MCTP1: variants seen among roughly 807,000 people sequenced by gnomAD.
MCTP1 encodes the protein multiple C2 and transmembrane domain containing 1.
Under a neutral mutation model 120.6 loss-of-function variants are expected in MCTP1, and 69 were observed. The observed-to-expected ratio is 0.57, with a 90% CI of 0.47 to 0.70. The LOEUF (loss-of-function observed/expected upper bound fraction) is 0.70. MCTP1 is among the 30% of genes least tolerant of loss of function. The pLI is 0.00. For missense variants in MCTP1, 1,203 were observed against 1,248.8 expected (o/e 0.96, Z 0.55); for synonymous variants, 529 against 493.1 (o/e 1.07, Z -0.96).
intron 18 of MCTP1, among the ~76,000 whole-genome samples, chr5:94,786,594 C>T (rs1486001663): frequency 1.3e-5 from 2 of 152,128 alleles, no homozygotes; most frequent in Non-Finnish European, 2.9e-5. Flanking sequence ...CATGAGCTTC[C>T]CACAATATAA....
At position 94,888,863 on chromosome 5, in the gene MCTP1, T is replaced by G. The variant is rs182813367; in HGVS notation, c.1933+16A>C. ...CTGCTTGATCTGAGCAATAGGAGAA[T>G]TGCATCATCTCTTACCAGTGACGTC... On this transcript the variant is annotated intron_variant, in intron 12 of 22. Transcript: ENST00000515393. 6.5e-5 allele frequency: 100 copies of G among 1,549,548 alleles called. No homozygotes were observed. The African/African-American group carries it at 1.3e-3, about 20-fold the overall frequency.
intron 1 of MCTP1, among the ~76,000 whole-genome samples, chr5:95,098,586 G>T (rs1157177688): frequency 6.6e-6 from 1 of 151,666 alleles, no homozygotes; most frequent in Non-Finnish European, 1.5e-5. Context: ...ACCTCTTCAA[G>T]GAGAACTACA....
chr5:95,004,645 CAGAG>C (rs1363328614), intron 2 of MCTP1, among the ~76,000 whole-genome samples: 2 of 152,206 alleles, frequency 1.3e-5, no homozygotes, highest in African/African-American at 4.8e-5. Flanking sequence ...GCTGCTGCTA[CAGAG>C]AGTTCAAGCC....
chr5:95,264,559 A>G (rs532750562), intron 1 of MCTP1, among the ~76,000 whole-genome samples: 1 of 152,280 alleles, frequency 6.6e-6, no homozygotes, highest in African/African-American at 2.4e-5. Context: ...GGCACTGGAA[A>G]TATCTGCCTG....
At chr5:94,908,434 T>C (rs1415533468) in intron 10 of MCTP1, among the ~76,000 whole-genome samples, 3 of 152,064 alleles carry the variant, frequency 2.0e-5, no homozygotes, top group Non-Finnish European at 2.9e-5. Context: ...TGGAGTATAA[T>C]TTATTTTACT....
intron 2 of MCTP1, among the ~76,000 whole-genome samples, chr5:94,988,597 G>GTTTTTTTTTT (rs752489135): frequency 8.5e-6 from 1 of 117,480 alleles, no homozygotes; most frequent in African/African-American, 3.4e-5. Flanking sequence ...CCCTGTGTGT[G>GTTTTTTTTTT]TTTTTTTTTT....
chr5:94,791,090 C>G (rs182703550), intron 18 of MCTP1, among the ~76,000 whole-genome samples: 3 of 124,514 alleles, frequency 2.4e-5, no homozygotes, highest in African/African-American at 9.2e-5. Context: ...CTAGCCAATA[C>G]GGCGAAATCC....
At chr5:94,731,043 A>G (rs935426064) in intron 19 of MCTP1, among the ~76,000 whole-genome samples, 3 of 152,190 alleles carry the variant, frequency 2.0e-5, no homozygotes, top group Non-Finnish European at 4.4e-5. Flanking sequence ...GAATTGGGAA[A>G]TACTGCCACT....
chr5:94,845,483 GC>G (rs1272430400), intron 17 of MCTP1, among the ~76,000 whole-genome samples: 2 of 152,094 alleles, frequency 1.3e-5, no homozygotes, highest in Admixed American at 1.3e-4. Context: ...TGGGGACACA[GC>G]AAAACCATAT....
intron 1 of MCTP1, among the ~76,000 whole-genome samples, chr5:95,085,991 TCA>T (rs201532196): frequency 0.02 from 3,103 of 152,264 alleles, 37 homozygotes; most frequent in Non-Finnish European, 0.03. Context: ...GTTATAGATA[TCA>T]CTCTTCTGTG....
chr5:94,742,870 G>C (rs952595607), intron 19 of MCTP1, among the ~76,000 whole-genome samples: 1 of 152,004 alleles, frequency 6.6e-6, no homozygotes, highest in Admixed American at 6.6e-5. Context: ...AAACTGTATT[G>C]AAAACCTATT....
chr5:95,136,793 A>C (rs1011762472), intron 1 of MCTP1, among the ~76,000 whole-genome samples: 3 of 152,210 alleles, frequency 2.0e-5, no homozygotes, highest in Non-Finnish European at 2.9e-5. Flanking sequence ...CAGAGCACTA[A>C]CAGAGGTCTA....
intron 17 of MCTP1, among the ~76,000 whole-genome samples, chr5:94,820,043 C>T (rs1385601962): frequency 6.6e-6 from 1 of 152,142 alleles, no homozygotes; most frequent in Non-Finnish European, 1.5e-5. Flanking sequence ...TCTTTTACAC[C>T]ATGTGGCAAC....
intron 10 of MCTP1, among the ~76,000 whole-genome samples, chr5:94,908,254 ACGG>A (rs1432099449): frequency 6.6e-6 from 1 of 152,074 alleles, no homozygotes; most frequent in Non-Finnish European, 1.5e-5. Flanking sequence ...GTATTAGATT[ACGG>A]TGGTGTTTTC....
intron 1 of MCTP1, among the ~76,000 whole-genome samples, chr5:95,212,271 G>C (rs1752474841): frequency 6.6e-6 from 1 of 151,788 alleles, no homozygotes; most frequent in African/African-American, 2.4e-5. Context: ...ATCTAGAATG[G>C]ATAAATTCCT....
intron 1 of MCTP1, among the ~76,000 whole-genome samples, chr5:95,233,328 CTT>C (rs199632942): frequency 1.5e-4 from 21 of 144,596 alleles, no homozygotes; most frequent in Non-Finnish European, 1.5e-4. Flanking sequence ...TGGCATACTT[CTT>C]TTTTTTTTTT....
chr5:94,835,805 C>T (rs1380108697), intron 17 of MCTP1, among the ~76,000 whole-genome samples: 1 of 152,102 alleles, frequency 6.6e-6, no homozygotes, highest in East Asian at 1.9e-4. Flanking sequence ...GAGATCGAGA[C>T]CACCCTGACT....
intron 1 of MCTP1, among the ~76,000 whole-genome samples, chr5:95,255,442 A>G (rs887875508): frequency 1.3e-5 from 2 of 152,216 alleles, no homozygotes; most frequent in African/African-American, 4.8e-5. Flanking sequence ...TCCCAATCAT[A>G]TACTACAGCA....
At chr5:94,855,589 T>C (rs1283830063) in intron 17 of MCTP1, among the ~76,000 whole-genome samples, 1 of 151,764 alleles carries the variant, frequency 6.6e-6, no homozygotes, top group East Asian at 1.9e-4. Flanking sequence ...ATCAATAATT[T>C]ATACAGATAT....
Sources: gnomAD v4.1 joint callset for allele counts (sites outside exome capture counted in the v4.1 genomes callset) on GRCh38, gnomAD v4.1.1 for gene constraint, MANE v1.5 for transcripts, NCBI Gene and HGNC (gene_info 2026-07-23, HGNC 2026-07-21) for gene names.